FAM117B: variants seen among roughly 807,000 people sequenced by gnomAD.
The protein encoded by FAM117B is protein FAM117B.
FAM117B carries 22 observed loss-of-function variants against 52.8 expected under a neutral mutation model. The observed-to-expected ratio is 0.42, with a 90% confidence interval of 0.30 to 0.59. The LOEUF is 0.59. FAM117B is among the 20% of genes least tolerant of loss of function. The pLI is 0.22. For missense variants in FAM117B, 678 were observed against 802.6 expected, an observed-to-expected ratio of 0.84 and a Z score of 1.88; for synonymous variants, 309 against 324.1, an observed-to-expected ratio of 0.95 and a Z score of 0.50.
intron 4 of FAM117B, among the ~76,000 whole-genome samples, chr2:202,755,137 C>T (rs934003908): frequency 1.3e-5 from 2 of 151,946 alleles, no homozygotes; most frequent in Non-Finnish European, 2.9e-5. Flanking sequence ...TGTGCTAAAC[C>T]ATTCATGAGA....
At chr2:202,705,004 C>T (rs1464218602) in intron 2 of FAM117B, among the ~76,000 whole-genome samples, 1 of 151,870 alleles carries the variant, frequency 6.6e-6, no homozygotes, top group Non-Finnish European at 1.5e-5. Flanking sequence ...AAGAGAAATG[C>T]AGCATTTAAA....
chr2:202,765,393 T>A (rs1379837592), intron 7 of FAM117B, 53 bp from the exon 8 acceptor site: 25 of 1,458,980 alleles, frequency 1.7e-5, no homozygotes, highest in South Asian at 4.1e-5. Flanking sequence ...TTTTTTTTTT[T>A]ATTTTTTAAG....
At chr2:202,636,214 T>C (rs928365439) in intron 1 of FAM117B, among the ~76,000 whole-genome samples, 3 of 152,262 alleles carry the variant, frequency 2.0e-5, no homozygotes, top group Non-Finnish European at 4.4e-5. Context: ...TATCTGCTGC[T>C]GCTAAGTATT....
In FAM117B at chr2:202,635,704, C is replaced by T. The variant is rs1413936286; in HGVS notation, c.517C>T (p.Arg173Cys). 2.7e-5 allele frequency: 39 copies of T among 1,432,900 alleles called. 2 individuals carry two copies. In the East Asian group the frequency reaches 3.7e-4, roughly 14 times the overall value. 88.8% of individuals were successfully genotyped at this position (1,432,900 alleles called of 1,614,324 possible). A position where few individuals can be genotyped will look rare whatever the true frequency, so the allele number is the denominator to read the frequency against. Residue 173 changes from arginine (R) to cysteine (C), a missense_variant, in exon 1 of 8, where the codon CGC (arginine) becomes TGC (cysteine). Around this residue, in one of 3 missense-constraint regions of FAM117B, gnomAD observed 583 missense variants for 644.8 expected, o/e 0.90. Coordinates refer to ENST00000392238, the MANE Select transcript of FAM117B (RefSeq NM_173511.4). ...GEVSAAPPPARVRHRRRSPEQ... is the reference protein window; with the variant it reads ...GEVSAAPPPACVRHRRRSPEQ... ...GGTGAGCGCGGCCCCACCCCCAGCC[C>T]GCGTCCGGCATCGGAGGAGGTCTCC...
chr2:202,675,797 C>T (rs1424494670), intron 1 of FAM117B, among the ~76,000 whole-genome samples: 2 of 151,694 alleles, frequency 1.3e-5, no homozygotes, highest in South Asian at 2.1e-4. Flanking sequence ...CCAGCCTGGC[C>T]CACATGGTGA....
intron 4 of FAM117B, among the ~76,000 whole-genome samples, chr2:202,735,980 A>G (rs1180958477): frequency 6.6e-6 from 1 of 152,162 alleles, no homozygotes; most frequent in Non-Finnish European, 1.5e-5. Flanking sequence ...GGCTGTTACT[A>G]TAGCCTCAAG....
At chr2:202,683,336 C>CA (rs142014045) in intron 1 of FAM117B, among the ~76,000 whole-genome samples, 1 of 151,638 alleles carries the variant, frequency 6.6e-6, no homozygotes, top group African/African-American at 2.4e-5. Context: ...CTCAAAAAAA[C>CA]AAAAAACCAA....
rs370674304 is a variant in FAM117B at position 202,725,035 on chromosome 2, G to A, written c.846+26G>A. 6.4e-6 allele frequency: 10 copies of A among 1,560,044 alleles called. No individual in the cohort carries two copies. The African/African-American group carries it at 1.1e-4, about 17-fold the overall frequency. ...GTCAGAAAAATGGTTCTAAGATAGT[G>A]GGTGTGGAAATATGATCCTTTTGTT... On this transcript the variant is annotated intron_variant, in intron 3 of 7. Transcript: ENST00000392238.
chr2:202,635,873 G>T (rs35014943), intron 1 of FAM117B, 85 bp downstream of exon 1: 1 of 1,258,586 alleles, frequency 7.9e-7, no homozygotes, highest in South Asian at 2.6e-5. Context: ...GGGGACTGCA[G>T]AGCTGCCGCG....
intron 4 of FAM117B, among the ~76,000 whole-genome samples, chr2:202,731,815 A>G (rs1323428658): frequency 6.6e-6 from 1 of 151,710 alleles, no homozygotes; most frequent in African/African-American, 2.4e-5. Context: ...GGCTCATTGC[A>G]ATCTCCGCCT....
At chr2:202,748,827 A>G (rs1691678158) in intron 4 of FAM117B, among the ~76,000 whole-genome samples, 1 of 152,092 alleles carries the variant, frequency 6.6e-6, no homozygotes, top group Non-Finnish European at 1.5e-5. Context: ...TAACATATCA[A>G]AGGGATACCC....
At chr2:202,746,957 A>C (rs6744059) in intron 4 of FAM117B, among the ~76,000 whole-genome samples, 1 of 100,474 alleles carries the variant, frequency 1.0e-5, no homozygotes. Flanking sequence ...GGAAAAAAAA[A>C]CAAAACAAAA....
intron 1 of FAM117B, among the ~76,000 whole-genome samples, chr2:202,685,405 A>C (rs1027088181): frequency 6.6e-6 from 1 of 152,210 alleles, no homozygotes; most frequent in Non-Finnish European, 1.5e-5. Flanking sequence ...TTTATTATAT[A>C]TAAGTGTATA....
At chr2:202,724,226 G>A (rs1260682041) in intron 2 of FAM117B, among the ~76,000 whole-genome samples, 1 of 151,824 alleles carries the variant, frequency 6.6e-6, no homozygotes, top group Non-Finnish European at 1.5e-5. Flanking sequence ...TGTATTTTTA[G>A]TAGAGACAAG....
Position 202,635,353 on chromosome 2 carries a change from C to T in FAM117B, c.166C>T (p.Arg56Trp). The T allele has an allele frequency of 1.5e-6, 2 of 1,323,140 alleles. No homozygotes were observed. The highest frequency in any genetic ancestry group is 3.3e-5 in the Admixed American group (1 of 29,980). The allele number at this position is 1,323,140 out of a possible 1,614,324, so 82.0% of individuals were successfully genotyped here. Residue 56 changes from arginine to tryptophan, a missense_variant, in exon 1 of 8, where the codon CGG becomes TGG. This residue lies in a region of FAM117B where 583 missense variants were observed against 644.8 expected (regional missense o/e 0.90). Transcript: ENST00000392238. ...GCAGCAGCAACATGGCAGCCCCACG[C>T]GGAGCGGCGGCGGCGGCGGCGGCAA... ...QQQQQHGSPT[R>W]SGGGGGGNNN...
At chr2:202,673,787 C>T (rs1213511474) in intron 1 of FAM117B, among the ~76,000 whole-genome samples, 1 of 152,126 alleles carries the variant, frequency 6.6e-6, no homozygotes, top group Non-Finnish European at 1.5e-5. Flanking sequence ...TTCTTTATCT[C>T]TTCATAAAGA....
chr2:202,657,065 C>T (rs926833078), intron 1 of FAM117B, among the ~76,000 whole-genome samples: 3 of 151,986 alleles, frequency 2.0e-5, no homozygotes, highest in Non-Finnish European at 4.4e-5. Flanking sequence ...ATTGTTGGCT[C>T]TTGTGTTTTT....
intron 2 of FAM117B, among the ~76,000 whole-genome samples, chr2:202,719,600 G>A (rs1441666662): frequency 1.3e-5 from 2 of 151,996 alleles, no homozygotes; most frequent in African/African-American, 4.8e-5. Context: ...ATATGAACAG[G>A]GACTTTTAAA....
At chr2:202,735,087 G>A (rs1314992471) in intron 4 of FAM117B, among the ~76,000 whole-genome samples, 2 of 152,090 alleles carry the variant, frequency 1.3e-5, no homozygotes, top group Non-Finnish European at 2.9e-5. Context: ...ATTTAACATG[G>A]AACATTGTGA....
Sources: allele counts gnomAD v4.1 joint callset (sites outside exome capture counted in the v4.1 genomes callset), GRCh38; gene constraint gnomAD v4.1.1; regional missense constraint gnomAD v4.1.1; transcripts MANE v1.5; gene names NCBI Gene and HGNC (gene_info 2026-07-23, HGNC 2026-07-21).